MAF: variants seen among roughly 807,000 people sequenced by gnomAD.
MAF encodes transcription factor Maf.
In MAF, 10 loss-of-function variants were observed where a neutral mutation model predicts 22.0. The ratio of observed to expected loss-of-function variants is 0.45; its 90% CI spans 0.28 to 0.77. MAF has a LOEUF of 0.77. Among genes scored for constraint, MAF ranks in the 30% least tolerant of loss-of-function variants. The pLI is 0.12. For missense variants in MAF, 544 were observed against 548.4 expected (o/e 0.99, Z 0.08); for synonymous variants, 337 against 255.8 (o/e 1.32, Z -3.03).
chr16:79,282,708 T>C, the MAF span, among the ~76,000 whole-genome samples: 27,737 of 152,182 alleles, frequency 0.18, 3,156 homozygotes, highest in East Asian at 0.61. Context: ...AAACTGTAAG[T>C]AGATCTCTTT....
At chr16:79,370,543 A>G in the MAF span, among the ~76,000 whole-genome samples, 12 of 152,216 alleles carry the variant, frequency 7.9e-5, no homozygotes, top group Admixed American at 2.0e-4. Context: ...TATAAGGAGC[A>G]TAACTGAAGT....
the MAF span, among the ~76,000 whole-genome samples, chr16:79,491,963 C>T: frequency 2.6e-5 from 4 of 152,246 alleles, no homozygotes; most frequent in South Asian, 2.1e-4. Flanking sequence ...TCTACGTACC[C>T]GGAACTGACA....
the MAF span, among the ~76,000 whole-genome samples, chr16:79,434,395 A>G: frequency 1.3e-5 from 2 of 152,202 alleles, no homozygotes; most frequent in African/African-American, 2.4e-5. Context: ...AAATGCTCTC[A>G]TGGTGGCTGA....
At chr16:79,275,220 G>A in the MAF span, among the ~76,000 whole-genome samples, 1 of 152,150 alleles carries the variant, frequency 6.6e-6, no homozygotes, top group Non-Finnish European at 1.5e-5. Flanking sequence ...GCTGGGTGTG[G>A]TGGTGCACGC....
chr16:79,213,092 C>G, the MAF span, among the ~76,000 whole-genome samples: 1 of 152,178 alleles, frequency 6.6e-6, no homozygotes, highest in East Asian at 1.9e-4. Context: ...ATCTGCGCAT[C>G]CCATCTCATG....
the MAF span, chr16:79,203,928 AAC>A: frequency 6.6e-6 from 1 of 152,154 alleles, no homozygotes; most frequent in Non-Finnish European, 1.5e-5. Flanking sequence ...GTTTCAAATA[AAC>A]ACACACTAAA....
At chr16:79,437,134 CTCTCTCTCTCTCTGTGTGTG>C in the MAF span, among the ~76,000 whole-genome samples, 7 of 80,152 alleles carry the variant, frequency 8.7e-5, no homozygotes, top group East Asian at 5.8e-4. Flanking sequence ...TGGGAGAAAG[CTCTCTCTCTCTCTGTGTGTG>C]TGTGTGTGTG....
At chr16:79,206,270 G>A in the MAF span, 1 of 152,276 alleles carries the variant, frequency 6.6e-6, no homozygotes, top group Non-Finnish European at 1.5e-5. Flanking sequence ...GGCATAGGAA[G>A]CCGGAGCCCC....
the MAF span, among the ~76,000 whole-genome samples, chr16:79,365,249 A>T: frequency 1.3e-5 from 2 of 152,152 alleles, no homozygotes; most frequent in Non-Finnish European, 2.9e-5. Context: ...GTTTTTCCCC[A>T]CGATAGGTAG....
At chr16:79,288,709 G>T in the MAF span, among the ~76,000 whole-genome samples, 1,119 of 152,280 alleles carry the variant, frequency 7.3e-3, 13 homozygotes, top group African/African-American at 0.025. Context: ...GACATTCCAG[G>T]TGGAAGAGAA....
the MAF span, among the ~76,000 whole-genome samples, chr16:79,536,007 G>C: frequency 7.2e-5 from 11 of 152,138 alleles, no homozygotes; most frequent in Admixed American, 3.3e-4. Flanking sequence ...TATAGAATCA[G>C]GATTATGTCC....
At chr16:79,278,766 T>C in the MAF span, among the ~76,000 whole-genome samples, 1 of 152,144 alleles carries the variant, frequency 6.6e-6, no homozygotes, top group African/African-American at 2.4e-5. Context: ...GGACCCGCCC[T>C]GACAGGGGGA....
At chr16:79,481,460 G>A in the MAF span, among the ~76,000 whole-genome samples, 23 of 151,988 alleles carry the variant, frequency 1.5e-4, no homozygotes, top group South Asian at 1.0e-3. Context: ...TCTACTTCCC[G>A]TCTCTATAGA....
chr16:79,411,987 C>T, the MAF span, among the ~76,000 whole-genome samples: 4 of 152,106 alleles, frequency 2.6e-5, no homozygotes, highest in African/African-American at 9.7e-5. Flanking sequence ...CTGTTGTTAC[C>T]AGTACCACGA....
At chr16:79,214,387 C>T in the MAF span, among the ~76,000 whole-genome samples, 1 of 152,116 alleles carries the variant, frequency 6.6e-6, no homozygotes, top group Non-Finnish European at 1.5e-5. Context: ...TAATTTCCAT[C>T]ATTGTGACAA....
At chr16:79,288,632 ATAAGCTTAT>A in the MAF span, among the ~76,000 whole-genome samples, 1 of 152,246 alleles carries the variant, frequency 6.6e-6, no homozygotes, top group Admixed American at 6.5e-5. Flanking sequence ...GAAATAGATA[ATAAGCTTAT>A]TGACTGAGTA....
chr16:79,543,797 C>T, the MAF span, among the ~76,000 whole-genome samples: 1 of 151,940 alleles, frequency 6.6e-6, no homozygotes, highest in South Asian at 2.1e-4. Flanking sequence ...CGGCATTCTC[C>T]TGCGTCAGCC....
At chr16:79,551,638 T>C in the MAF span, among the ~76,000 whole-genome samples, 1 of 152,238 alleles carries the variant, frequency 6.6e-6, no homozygotes, top group African/African-American at 2.4e-5. Context: ...TCCCCACTGT[T>C]TGTTCTTGTG....
At chr16:79,547,924 G>GAGAT in the MAF span, among the ~76,000 whole-genome samples, 27 of 148,538 alleles carry the variant, frequency 1.8e-4, no homozygotes, top group Admixed American at 4.0e-4. Context: ...GAGAGATAGA[G>GAGAT]AGAGAGAGAG....
Sources: allele counts gnomAD v4.1 joint callset (sites outside exome capture counted in the v4.1 genomes callset), GRCh38; gene constraint gnomAD v4.1.1; transcripts MANE v1.5; gene names NCBI Gene and HGNC (gene_info 2026-07-23, HGNC 2026-07-21).